The following TNFAIP3 variants were observed in gnomAD, a reference collection of about 807,000 sequenced individuals.
The protein encoded by TNFAIP3 is TNF alpha induced protein 3, also known as tumor necrosis factor alpha-induced protein 3.
Under a neutral mutation model 72.4 loss-of-function variants are expected in TNFAIP3, and 9 were observed. The ratio of observed to expected loss-of-function variants is 0.12; its 90% confidence interval spans 0.07 to 0.22. TNFAIP3 has a LOEUF of 0.22. Ranked by LOEUF, TNFAIP3 falls within the 10% of genes least tolerant of loss-of-function variation. The pLI is 1.00. For missense variants in TNFAIP3, 833 were observed against 1,018.7 expected (o/e 0.82, Z 2.48); for synonymous variants, 339 against 372.6 (o/e 0.91, Z 1.04).
chr6:137,880,016 C>T (rs909779743), intron 7 of TNFAIP3, 55 bp from the exon 8 acceptor site: 12 of 1,529,964 alleles, frequency 7.8e-6, no homozygotes, highest in Non-Finnish European at 1.1e-5. Flanking sequence ...GTCAGCATCT[C>T]TGTATCGGTG....
chr6:137,876,306 AAGAGT>A, intron 5 of TNFAIP3, 140 bp downstream of exon 5: 1 of 738,552 alleles, frequency 1.4e-6, no homozygotes, highest in Non-Finnish European at 2.2e-6. Flanking sequence ...CTTGGTTAGT[AAGAGT>A]AATGCAGTAG....
At chr6:137,869,393 G>A (rs994786767) in intron 1 of TNFAIP3, among the ~76,000 whole-genome samples, 2 of 132,288 alleles carry the variant, frequency 1.5e-5, no homozygotes, top group African/African-American at 3.0e-5. Context: ...ACGGACGGAC[G>A]GACGGATAGA....
At position 137,882,020 on chromosome 6, in the gene TNFAIP3, A is replaced by G. The variant is rs567520472; in HGVS notation, c.*701A>G. 8.6e-6 allele frequency: 2 copies of G among 231,342 alleles called. No individual in the cohort carries two copies. Among genetic ancestry groups the G allele is most frequent in the Non-Finnish European group, 1.7e-5 (2 of 116,768 alleles). The allele number at this position is 231,342 out of a possible 1,614,324, so 14.3% of individuals were successfully genotyped here. ...ACCTTTTAAAAAATTAGAATATTTT[A>G]CTGGGAAGACGTGTAACTCTTTGGG... On this transcript the variant is annotated 3_prime_UTR_variant, in exon 9 of 9. Coordinates refer to ENST00000612899, the MANE Select transcript of TNFAIP3 (RefSeq NM_001270508.2).
intron 5 of TNFAIP3, among the ~76,000 whole-genome samples, chr6:137,876,748 A>G (rs1042187342): frequency 3.9e-5 from 6 of 152,288 alleles, no homozygotes. Flanking sequence ...AAGCTCAGAG[A>G]GGTCAACTAA....
At chr6:137,868,339 C>T (rs1465678388) in intron 1 of TNFAIP3, 2 of 152,378 alleles carry the variant, frequency 1.3e-5, no homozygotes, top group African/African-American at 4.8e-5. Context: ...TCAAGTGTCT[C>T]AGGGTAGCAT....
intron 8 of TNFAIP3, 52 bp downstream of exon 8, chr6:137,880,304 G>A (rs771435230): frequency 6.3e-7 from 1 of 1,598,490 alleles, no homozygotes; most frequent in Non-Finnish European, 8.5e-7. Flanking sequence ...GATGCTTTTT[G>A]CTGGAGCGTT....
intron 2 of TNFAIP3, among the ~76,000 whole-genome samples, chr6:137,874,098 TG>T (rs1440345752): frequency 2.6e-5 from 4 of 152,232 alleles, no homozygotes; most frequent in African/African-American, 9.6e-5. Flanking sequence ...CCTGTTTTTT[TG>T]TTTGTTTTTC....
Position 137,871,200 on chromosome 6 carries a change from CT to C in TNFAIP3, c.-15-10del, listed in dbSNP as rs1464044958. 6.4e-7 allele frequency: 1 copy of C among 1,556,106 alleles called. No individual in the cohort carries two copies. The highest frequency in any genetic ancestry group is 8.6e-7 in the Non-Finnish European group (1 of 1,156,358). ...CTAATAGAATGGCTTTTTTTTTTTCCTTTCCTTTTCAGGTGTTGGAGAGCAC... is the reference window on the plus strand; with the variant it reads ...CTAATAGAATGGCTTTTTTTTTTTCCTTCCTTTTCAGGTGTTGGAGAGCAC... On this transcript the variant is annotated splice_polypyrimidine_tract_variant and intron_variant, in intron 1 of 8. Coordinates refer to ENST00000612899, the MANE Select transcript of TNFAIP3 (RefSeq NM_001270508.2). This position sits in a 1 kb window ranked among gnomAD's most constrained non-coding sequence, Gnocchi z 4.2.
rs548932103 is a variant in TNFAIP3 at position 137,871,434 on chromosome 6, C to T, written c.207C>T (p.Ile69=). The T allele has an allele frequency of 2.0e-5, 33 of 1,614,174 alleles. 1 individual carries two copies. Among genetic ancestry groups the T allele is most frequent in the South Asian group, 1.9e-4 (17 of 91,078 alleles). ...QFREIIHKAL[I]DRNIQATLES... ...GGGAGATCATCCACAAAGCCCTCAT[C>T]GACAGAAACATCCAGGCCACCCTGG... Residue 69 remains isoleucine, a synonymous_variant, in exon 2 of 9, where the codon ATC becomes ATT. Transcript: ENST00000612899. The surrounding 1 kb of genome is among the most constrained non-coding windows in gnomAD (Gnocchi z 4.2).
chr6:137,874,052 A>T (rs1006499066), intron 2 of TNFAIP3, among the ~76,000 whole-genome samples: 1 of 152,210 alleles, frequency 6.6e-6, no homozygotes, highest in African/African-American at 2.4e-5. Context: ...TGAGTTTTAA[A>T]CTGGAAAGGT....
chr6:137,873,686 A>G (rs768051882), intron 2 of TNFAIP3, among the ~76,000 whole-genome samples: 4 of 152,138 alleles, frequency 2.6e-5, no homozygotes, highest in Admixed American at 1.3e-4. Context: ...TTTCAACAGA[A>G]CGCAATCATT....
chr6:137,875,640 G>A, intron 3 of TNFAIP3, 48 bp from the exon 4 acceptor site: 1 of 1,600,642 alleles, frequency 6.2e-7, no homozygotes, highest in Non-Finnish European at 8.5e-7. Flanking sequence ...TTTTAGTACA[G>A]GGAGTACAGG....
chr6:137,875,616 A>C, intron 3 of TNFAIP3, 72 bp from the exon 4 acceptor site: 2 of 1,519,846 alleles, frequency 1.3e-6, no homozygotes, highest in Admixed American at 3.9e-5. Flanking sequence ...TTGTAGAGTG[A>C]TGTCAGAATG....
rs757202453 is a variant in TNFAIP3 at position 137,878,836 on chromosome 6, C to T, written c.1391C>T (p.Ala464Val). Residue 464 changes from alanine (A) to valine (V), a missense_variant, in exon 7 of 9, where the codon GCA (alanine) becomes GTA (valine). Physicochemically the swap from Ala to Val is moderately conservative, Grantham distance 64 (BLOSUM62 0). Around this residue, in one of 2 missense-constraint regions of TNFAIP3, gnomAD observed 587 missense variants for 657.8 expected, o/e 0.89. Transcript: ENST00000612899. ...GGGCCTCATTCGGCCCCACCGACAG[C>T]ACCCAGCCCTTTTCTGTTCAGTGAG... ...TGGPHSAPPTAPSPFLFSETT... is the reference protein window; with the variant it reads ...TGGPHSAPPTVPSPFLFSETT... 8 of 1,614,202 alleles carry T rather than the reference C, an allele frequency of 5.0e-6. No individual in the cohort carries two copies. The highest frequency in any genetic ancestry group is 5.9e-6 in the Non-Finnish European group (7 of 1,180,040).
At position 137,871,685 on chromosome 6, in the gene TNFAIP3, C is replaced by A. The variant is rs906564236; in HGVS notation, c.295+163C>A. ...CTCTATTCGGGGTATGTGATAATAG[C>A]AGACTTGTTTTGTGAATCTATTTAT... is the stretch of plus-strand genomic sequence containing the variant. On this transcript the variant is annotated intron_variant, in intron 2 of 8. Coordinates refer to ENST00000612899, the MANE Select transcript of TNFAIP3 (RefSeq NM_001270508.2). The surrounding 1 kb of genome is among the most constrained non-coding windows in gnomAD (Gnocchi z 4.2). Among the ~76,000 whole-genome samples, 1 of 152,134 alleles carries A rather than the reference C, an allele frequency of 6.6e-6. No individual in the cohort carries two copies. Among genetic ancestry groups the A allele is most frequent in the African/African-American group, 2.4e-5 (1 of 41,416 alleles).
rs1361096923 is a variant in TNFAIP3, at chr6:137,883,096, A to G, written c.*1777A>G. The G allele has an allele frequency of 9.5e-6, 2 of 210,640 alleles. No homozygotes were observed. The highest frequency in any genetic ancestry group is 4.5e-5 in the African/African-American group (2 of 44,092). The allele number at this position is 210,640 out of a possible 1,614,324, so 13.0% of individuals were successfully genotyped here. ...TTCAGTGTTTTCATCTAATTCTCTTAAAGTTGATATCTTAATATTTTGTGT... is the reference window on the plus strand; with the variant it reads ...TTCAGTGTTTTCATCTAATTCTCTTGAAGTTGATATCTTAATATTTTGTGT... On this transcript the variant is annotated 3_prime_UTR_variant, in exon 9 of 9. Transcript: ENST00000612899.
chr6:137,875,176 C>T (rs1289590936), intron 3 of TNFAIP3, 141 bp downstream of exon 3: 4 of 951,772 alleles, frequency 4.2e-6, no homozygotes, highest in Non-Finnish European at 6.3e-6. Context: ...CAATGGAAAA[C>T]ACCAGAAACC....
chr6:137,881,067 C>T lies in TNFAIP3; in HGVS notation c.2121C>T (p.Thr707=), dbSNP rs974136210. The T allele has an allele frequency of 1.2e-6, 2 of 1,612,712 alleles. No individual in the cohort carries two copies. Among genetic ancestry groups the T allele is most frequent in the Non-Finnish European group, 1.7e-6 (2 of 1,179,286 alleles). Residue 707 remains threonine, a synonymous_variant, in exon 9 of 9, where the codon ACC becomes ACT. Transcript: ENST00000612899. The surrounding 1 kb of genome is among the most constrained non-coding windows in gnomAD (Gnocchi z 5.0). Reference sequence around the variant, plus strand: ...GCCAGCGCAGAGATGTGCCTCGAACCACACAAAGCACCTCAAGGCCCAAGT... The same window carrying T: ...GCCAGCGCAGAGATGTGCCTCGAACTACACAAAGCACCTCAAGGCCCAAGT... ...RSSQRRDVPR[T]TQSTSRPKCA... is the part of the protein sequence containing the mutation.
At position 137,867,942 on chromosome 6, in the gene TNFAIP3, T is replaced by G. The variant is rs1775895853; in HGVS notation, c.-16+400T>G. The G allele has an allele frequency of 6.6e-6, 1 of 152,446 alleles. No homozygotes were observed. Among genetic ancestry groups the G allele is most frequent in the Non-Finnish European group, 1.5e-5 (1 of 68,078 alleles). The allele number at this position is 152,446 out of a possible 1,614,324, so 9.4% of individuals were successfully genotyped here. ...ACCTTGCAGAAGCGCTGCGGCTTTT[T>G]CCCAAATTGTGCAGGACCAGCCCGA... On this transcript the variant is annotated intron_variant, in intron 1 of 8. Transcript: ENST00000612899. This position sits in a 1 kb window ranked among gnomAD's most constrained non-coding sequence, Gnocchi z 6.0.
Sources: allele counts gnomAD v4.1 joint callset (sites outside exome capture counted in the v4.1 genomes callset), GRCh38; gene constraint gnomAD v4.1.1; regional missense constraint gnomAD v4.1.1; non-coding constraint Gnocchi (gnomAD v3.1); transcripts MANE v1.5; gene names NCBI Gene and HGNC (gene_info 2026-07-23, HGNC 2026-07-21).